Variants in GBE1 observed in about 807,000 individuals in gnomAD.
The protein encoded by GBE1 is 1,4-alpha-glucan-branching enzyme.
Under a neutral mutation model 88.8 loss-of-function variants are expected in GBE1, and 70 were observed. The observed-to-expected ratio is 0.79, with a 90% CI of 0.65 to 0.96. GBE1 has a LOEUF of 0.96. GBE1 is among the 40% of genes least tolerant of loss of function. The pLI, the probability that GBE1 is intolerant of heterozygous loss-of-function variation, is 0.00. For synonymous variants in GBE1, 284 were observed against 300.1 expected (o/e 0.95, Z 0.56); for missense variants, 872 against 871.0 (o/e 1.00, Z -0.01).
At position 81,701,513 on chromosome 3, in the gene GBE1, G is replaced by GT. The variant is rs35771080; in HGVS notation, c.313+3930dup. 9.3e-3 allele frequency among the ~76,000 whole-genome samples: 1,363 copies of GT among 147,256 alleles called. 18 individuals are homozygous for GT. Among genetic ancestry groups the GT allele is most frequent in the African/African-American group, 0.03 (1,210 of 40,262 alleles). On this transcript the variant is annotated intron_variant, in intron 2 of 15. Transcript: ENST00000429644. ...TAAAAAGACCTTTGCAAATAAGAGG[G>GT]TTTTTTTTTTAATACTGCCAATTAA...
At chr3:81,629,887 C>G (rs575657561) in intron 7 of GBE1, among the ~76,000 whole-genome samples, 1 of 131,570 alleles carries the variant, frequency 7.6e-6, no homozygotes, top group African/African-American at 2.9e-5. Flanking sequence ...CCACAACAGT[C>G]CCCGGTGTGT....
chr3:81,663,853 C>A (rs889542114), intron 3 of GBE1, among the ~76,000 whole-genome samples: 1 of 152,148 alleles, frequency 6.6e-6, no homozygotes, highest in South Asian at 2.1e-4. Flanking sequence ...ACACCCCCAT[C>A]GCGCGCCCTG....
intron 14 of GBE1, among the ~76,000 whole-genome samples, chr3:81,526,001 T>C (rs1301703233): frequency 6.6e-6 from 1 of 152,084 alleles, no homozygotes; most frequent in Non-Finnish European, 1.5e-5. Context: ...TTCATTGATT[T>C]TTTGAAGGGT....
chr3:81,498,424 C>A (rs1167613783), intron 15 of GBE1, among the ~76,000 whole-genome samples: 1 of 152,098 alleles, frequency 6.6e-6, no homozygotes, highest in Admixed American at 6.6e-5. Context: ...TTTGAACCTA[C>A]TATATGGCCA....
At chr3:81,746,385 C>T (rs1171500986) in intron 1 of GBE1, among the ~76,000 whole-genome samples, 1 of 152,096 alleles carries the variant, frequency 6.6e-6, no homozygotes, top group East Asian at 1.9e-4. Flanking sequence ...ACCTCAGCCT[C>T]CCAAGTAGCT....
chr3:81,548,333 G>A (rs757431235), intron 12 of GBE1, among the ~76,000 whole-genome samples: 6 of 151,368 alleles, frequency 4.0e-5, no homozygotes, highest in African/African-American at 1.2e-4. Context: ...TTAAGAATTG[G>A]TTTTAACATT....
At chr3:81,686,893 T>C (rs1705450795) in intron 2 of GBE1, among the ~76,000 whole-genome samples, 1 of 152,250 alleles carries the variant, frequency 6.6e-6, no homozygotes, top group Admixed American at 6.5e-5. Context: ...TGCATGTGTC[T>C]ATATAGTATA....
chr3:81,557,995 A>G (rs1390878406), intron 12 of GBE1, among the ~76,000 whole-genome samples: 2 of 152,038 alleles, frequency 1.3e-5, no homozygotes, highest in Non-Finnish European at 2.9e-5. Flanking sequence ...GAATTGTGAG[A>G]CGGCATCAGG....
At chr3:81,704,594 T>C (rs1208241944) in intron 2 of GBE1, among the ~76,000 whole-genome samples, 1 of 152,096 alleles carries the variant, frequency 6.6e-6, no homozygotes, top group Non-Finnish European at 1.5e-5. Context: ...ATGTAGACTT[T>C]TGAGCCCAGT....
intron 1 of GBE1, among the ~76,000 whole-genome samples, chr3:81,715,514 T>C (rs1705927134): frequency 6.6e-6 from 1 of 152,174 alleles, no homozygotes; most frequent in African/African-American, 2.4e-5. Context: ...ATAATCTTTA[T>C]CAATGCCTAG....
intron 14 of GBE1, among the ~76,000 whole-genome samples, chr3:81,508,724 A>C (rs537558318): frequency 4.1e-4 from 62 of 152,280 alleles, no homozygotes; most frequent in African/African-American, 1.4e-3. Flanking sequence ...AAGCAGTAAG[A>C]AAGCATTATC....
intron 12 of GBE1, among the ~76,000 whole-genome samples, chr3:81,547,552 A>G (rs1703221757): frequency 6.6e-6 from 1 of 151,142 alleles, no homozygotes; most frequent in South Asian, 2.1e-4. Context: ...ACTCAGGGCA[A>G]GGGAACCCAG....
At chr3:81,644,014 A>T (rs1576182667) in intron 6 of GBE1, among the ~76,000 whole-genome samples, 1 of 152,078 alleles carries the variant, frequency 6.6e-6, no homozygotes, top group East Asian at 1.9e-4. Flanking sequence ...TTTTATACTC[A>T]TTGAACATGT....
intron 7 of GBE1, among the ~76,000 whole-genome samples, chr3:81,621,402 T>C (rs542865830): frequency 1.3e-5 from 2 of 152,272 alleles, no homozygotes; most frequent in Admixed American, 6.5e-5. Flanking sequence ...AGAAACACCA[T>C]TGTCATTCAA....
chr3:81,507,058 T>G (rs1702664091), intron 14 of GBE1, among the ~76,000 whole-genome samples: 1 of 152,078 alleles, frequency 6.6e-6, no homozygotes, highest in Non-Finnish European at 1.5e-5. Flanking sequence ...CTTGTACTCC[T>G]GAACTTAAAA....
At position 81,557,241 on chromosome 3, in the gene GBE1, C is replaced by T. The variant is rs116820539; in HGVS notation, c.1619-20146G>A. Among the ~76,000 whole-genome samples the T allele has an allele frequency of 4.7e-3, 715 of 152,150 alleles. 8 individuals are homozygous for T. Among genetic ancestry groups the T allele is most frequent in the African/African-American group, 0.016 (664 of 41,526 alleles). ...CTTGCACGTTGTTTGTAAAAAGTGA[C>T]ATTATGCATGCAAAAATGCTGCATA... On this transcript the variant is annotated intron_variant, in intron 12 of 15. Coordinates refer to ENST00000429644, the MANE Select transcript of GBE1 (RefSeq NM_000158.4).
chr3:81,592,155 G>A (rs895870834), intron 8 of GBE1, among the ~76,000 whole-genome samples: 2 of 151,940 alleles, frequency 1.3e-5, no homozygotes, highest in South Asian at 2.1e-4. Context: ...GTGTGCGCGC[G>A]TGTGTGTGTG....
intron 1 of GBE1, among the ~76,000 whole-genome samples, chr3:81,708,295 C>A (rs1046721492): frequency 6.6e-6 from 1 of 151,790 alleles, no homozygotes; most frequent in Admixed American, 6.6e-5. Context: ...ATAAGTTTGT[C>A]ATAAAAAAGT....
At chr3:81,623,132 A>T (rs974354150) in intron 7 of GBE1, among the ~76,000 whole-genome samples, 3 of 152,182 alleles carry the variant, frequency 2.0e-5, no homozygotes, top group Non-Finnish European at 2.9e-5. Flanking sequence ...AAGAAAACTG[A>T]ATCTCCTTAC....
Sources: allele counts gnomAD v4.1 joint callset (sites outside exome capture counted in the v4.1 genomes callset), GRCh38; gene constraint gnomAD v4.1.1; transcripts MANE v1.5; gene names NCBI Gene and HGNC (gene_info 2026-07-23, HGNC 2026-07-21).